The following PPFIA2 variants were observed in gnomAD, a reference collection of about 807,000 sequenced individuals.
The protein encoded by PPFIA2 is PPFI scaffold protein A2.
Under a neutral mutation model 175.5 loss-of-function variants are expected in PPFIA2, and 46 were observed. The observed-to-expected ratio is 0.26, with a 90% CI of 0.21 to 0.34. The LOEUF (loss-of-function observed/expected upper bound fraction) is 0.34. Among genes scored for constraint, PPFIA2 ranks in the 10% least tolerant of loss-of-function variants. The pLI is 1.00. For missense variants in PPFIA2, 1,179 were observed against 1,506.1 expected, an observed-to-expected ratio of 0.78 and a Z score of 3.60; for synonymous variants, 568 against 511.4, an observed-to-expected ratio of 1.11 and a Z score of -1.49.
At chr12:81,357,147 T>C (rs1008825798) in intron 16 of PPFIA2, among the ~76,000 whole-genome samples, 1 of 152,334 alleles carries the variant, frequency 6.6e-6, no homozygotes, top group South Asian at 2.1e-4. Flanking sequence ...AGAATTAGTA[T>C]TTGTGTTACA....
chr12:81,497,924 A>G (rs894556849), intron 4 of PPFIA2, among the ~76,000 whole-genome samples: 1 of 152,168 alleles, frequency 6.6e-6, no homozygotes, highest in Non-Finnish European at 1.5e-5. Context: ...AGCACTGCTC[A>G]GTTTCCTTTT....
intron 9 of PPFIA2, among the ~76,000 whole-genome samples, chr12:81,382,839 G>A (rs1341407507): frequency 6.6e-6 from 1 of 152,128 alleles, no homozygotes; most frequent in Non-Finnish European, 1.5e-5. Flanking sequence ...ATCCTAAGAT[G>A]ATGGTGGCTT....
At chr12:81,549,318 A>G (rs890788638) in intron 4 of PPFIA2, among the ~76,000 whole-genome samples, 1 of 152,066 alleles carries the variant, frequency 6.6e-6, no homozygotes, top group African/African-American at 2.4e-5. Context: ...AAATCTTTGA[A>G]TTGATTAGAA....
At chr12:81,662,525 C>A (rs971591715) in intron 4 of PPFIA2, among the ~76,000 whole-genome samples, 8 of 152,220 alleles carry the variant, frequency 5.3e-5, no homozygotes, top group African/African-American at 1.7e-4. Context: ...TCTGAATAGA[C>A]CAATAACAGG....
intron 7 of PPFIA2, among the ~76,000 whole-genome samples, chr12:81,413,031 A>G (rs2044281767): frequency 1.3e-5 from 2 of 151,856 alleles, no homozygotes; most frequent in Admixed American, 6.6e-5. Flanking sequence ...GAATTCGGGG[A>G]CAATATCTTC....
intron 3 of PPFIA2, among the ~76,000 whole-genome samples, chr12:81,740,090 AT>A (rs1340256822): frequency 6.6e-6 from 1 of 152,120 alleles, no homozygotes; most frequent in Non-Finnish European, 1.5e-5. Flanking sequence ...AGCAAAAATG[AT>A]TTAAAATATT....
intron 4 of PPFIA2, among the ~76,000 whole-genome samples, chr12:81,632,613 T>C (rs1001347370): frequency 1.1e-4 from 16 of 152,212 alleles, no homozygotes; most frequent in African/African-American, 3.9e-4. Context: ...CCTCTTTGCC[T>C]TTCCAATTCT....
chr12:81,365,686 A>C (rs1424924504), intron 14 of PPFIA2, among the ~76,000 whole-genome samples: 1 of 151,670 alleles, frequency 6.6e-6, no homozygotes, highest in Non-Finnish European at 1.5e-5. Context: ...AGAATGCTCT[A>C]CCTTTATGAA....
intron 7 of PPFIA2, among the ~76,000 whole-genome samples, chr12:81,432,264 A>T (rs1380429739): frequency 6.6e-6 from 1 of 152,038 alleles, no homozygotes; most frequent in Non-Finnish European, 1.5e-5. Flanking sequence ...CTAACTCTTC[A>T]TTATAATTGC....
At chr12:81,376,253 C>T (rs1442721413) in intron 9 of PPFIA2, among the ~76,000 whole-genome samples, 2 of 152,034 alleles carry the variant, frequency 1.3e-5, no homozygotes, top group Non-Finnish European at 2.9e-5. Flanking sequence ...GTTCATTATG[C>T]AGTAAAATTA....
chr12:81,398,781 G>C (rs1319120252), intron 8 of PPFIA2, among the ~76,000 whole-genome samples: 1 of 152,028 alleles, frequency 6.6e-6, no homozygotes, highest in Non-Finnish European at 1.5e-5. Flanking sequence ...CTCATTCTGG[G>C]ATACTCTTAT....
chr12:81,578,384 C>T (rs1595177711), intron 4 of PPFIA2, among the ~76,000 whole-genome samples: 1 of 151,616 alleles, frequency 6.6e-6, no homozygotes, highest in African/African-American at 2.4e-5. Flanking sequence ...ATCACCATCA[C>T]CATAATGATG....
chr12:81,349,411 A>G (rs777827500), intron 17 of PPFIA2, among the ~76,000 whole-genome samples: 3 of 152,190 alleles, frequency 2.0e-5, no homozygotes, highest in Non-Finnish European at 4.4e-5. Flanking sequence ...GAAAAAGAAC[A>G]TGAATTCTGT....
intron 4 of PPFIA2, among the ~76,000 whole-genome samples, chr12:81,535,257 G>A (rs999674195): frequency 1.3e-5 from 2 of 151,744 alleles, no homozygotes; most frequent in South Asian, 2.1e-4. Flanking sequence ...ATGGACAGCA[G>A]AGCATGCACA....
At chr12:81,505,480 T>G (rs2147575498) in intron 4 of PPFIA2, among the ~76,000 whole-genome samples, 1 of 152,110 alleles carries the variant, frequency 6.6e-6, no homozygotes, top group South Asian at 2.1e-4. Flanking sequence ...CCCAGGATGG[T>G]TTTTGTTTGG....
intron 22 of PPFIA2, among the ~76,000 whole-genome samples, chr12:81,321,001 C>T (rs1209977634): frequency 2.0e-5 from 3 of 151,564 alleles, no homozygotes; most frequent in African/African-American, 2.4e-5. Context: ...TGAATAGACA[C>T]CTACTTACGG....
intron 27 of PPFIA2, among the ~76,000 whole-genome samples, chr12:81,279,780 A>G (rs976772479): frequency 6.6e-6 from 1 of 152,170 alleles, no homozygotes; most frequent in Non-Finnish European, 1.5e-5. Flanking sequence ...AATCTAATGC[A>G]AACGTGAAAT....
intron 7 of PPFIA2, among the ~76,000 whole-genome samples, chr12:81,420,067 G>T (rs1298975859): frequency 6.6e-6 from 1 of 152,102 alleles, no homozygotes; most frequent in Non-Finnish European, 1.5e-5. Flanking sequence ...TCAGCTGATG[G>T]AACTACCTGG....
intron 7 of PPFIA2, among the ~76,000 whole-genome samples, chr12:81,436,709 T>A (rs917257028): frequency 9.9e-5 from 15 of 152,190 alleles, no homozygotes; most frequent in African/African-American, 3.6e-4. Context: ...TTTTGAAATA[T>A]CAATTTTATT....
Sources: allele counts gnomAD v4.1 joint callset (sites outside exome capture counted in the v4.1 genomes callset), GRCh38; gene constraint gnomAD v4.1.1; transcripts MANE v1.5; gene names NCBI Gene and HGNC (gene_info 2026-07-23, HGNC 2026-07-21).